MAP3K2: variants seen among roughly 807,000 people sequenced by gnomAD.
MAP3K2 encodes mitogen-activated protein kinase kinase kinase 2.
MAP3K2 carries 24 observed loss-of-function variants against 80.3 expected under a neutral mutation model. The observed-to-expected ratio is 0.30, with a 90% CI of 0.22 to 0.42. The LOEUF is 0.42. Ranked by LOEUF, MAP3K2 falls within the 10% of genes least tolerant of loss-of-function variation. The pLI is 1.00. For missense variants in MAP3K2, 608 were observed against 750.1 expected (o/e 0.81, Z 2.21); for synonymous variants, 244 against 253.7 (o/e 0.96, Z 0.36).
In MAP3K2 at chr2:127,321,960, C is replaced by T. The variant is rs1370755780; in HGVS notation, c.1045+86G>A. The T allele has an allele frequency of 4.1e-6, 5 of 1,213,158 alleles. No individual in the cohort carries two copies. The African/African-American group carries it at 7.6e-5, about 18-fold the overall frequency. The allele number at this position is 1,213,158 out of a possible 1,614,324, so 75.1% of individuals were successfully genotyped here. On this transcript the variant is annotated intron_variant, in intron 12 of 16. Coordinates refer to ENST00000682094, the MANE Select transcript of MAP3K2 (RefSeq NM_001371910.2). This position sits in a 1 kb window ranked among gnomAD's most constrained non-coding sequence, Gnocchi z 4.4. ...TGAGTAGTTCATCTGACCCCAAAAA[C>T]TCACTTAGTATTTATTCCTTTTAAT...
chr2:127,333,271 C>A (rs1204959019), intron 5 of MAP3K2, among the ~76,000 whole-genome samples: 1 of 140,368 alleles, frequency 7.1e-6, no homozygotes, highest in East Asian at 2.2e-4. Context: ...CACAACCAAC[C>A]CTCATAACAC....
rs533574005 is a variant in MAP3K2 at position 127,352,831 on chromosome 2, T to C, written c.-65-9637A>G. On this transcript the variant is annotated intron_variant, in intron 1 of 16. Transcript: ENST00000682094. ...CTCCTGCCTCAGCCTGCCGAGTGCC[T>C]GCGATTGCAGGTGCGCGCCGCCATG... 3.3e-5 allele frequency among the ~76,000 whole-genome samples: 5 copies of C among 152,218 alleles called. No homozygotes were observed. In the South Asian group the frequency reaches 1.0e-3, roughly 32 times the overall value.
intron 12 of MAP3K2, among the ~76,000 whole-genome samples, chr2:127,320,249 T>G (rs765182897): frequency 6.6e-6 from 1 of 151,958 alleles, no homozygotes. Flanking sequence ...ATGGAAAAGG[T>G]AGACAACATG....
At chr2:127,379,060 G>A (rs1300567303) in intron 1 of MAP3K2, among the ~76,000 whole-genome samples, 4 of 141,494 alleles carry the variant, frequency 2.8e-5, no homozygotes, top group South Asian at 2.3e-4. Context: ...GGGCTCCAGC[G>A]ACCCACCCAC....
chr2:127,384,900 C>T (rs1687316991), intron 1 of MAP3K2, among the ~76,000 whole-genome samples: 1 of 152,090 alleles, frequency 6.6e-6, no homozygotes, highest in Admixed American at 6.5e-5. Flanking sequence ...GCCTCCCAAA[C>T]TGCTGGGATT....
rs1404300346 is a variant in MAP3K2, at chr2:127,305,659, G to A, written c.*1920C>T. The A allele has an allele frequency of 6.6e-6, 1 of 152,098 alleles. No individual in the cohort carries two copies. The highest frequency in any genetic ancestry group is 1.5e-5 in the Non-Finnish European group (1 of 67,990). The allele number at this position is 152,098 out of a possible 1,614,324, so 9.4% of individuals were successfully genotyped here. On this transcript the variant is annotated 3_prime_UTR_variant, in exon 17 of 17. Transcript: ENST00000682094. ...GGATTCTGGGGCCTCCAGGAAGACT[G>A]TTGTTTTCTAGACCTTTAAAATAAA...
rs141058905 is a variant in MAP3K2 at position 127,365,786 on chromosome 2, C to T, written c.-66+21666G>A. On this transcript the variant is annotated intron_variant, in intron 1 of 16. Transcript: ENST00000682094. The stretch of plus-strand genomic sequence containing the variant: ...CCACTGCACAACTGCTTCAAAGAGG[C>T]TGAATAGTAGCTTTTCTCTGACCTG... Among the ~76,000 whole-genome samples the T allele has an allele frequency of 2.6e-5, 4 of 152,320 alleles. No individual in the cohort carries two copies. The East Asian group carries it at 7.7e-4, about 29-fold the overall frequency.
rs1453694020 is a variant in MAP3K2 at position 127,300,250 on chromosome 2, A to G, written c.*7329T>C. On this transcript the variant is annotated 3_prime_UTR_variant, in exon 17 of 17. Transcript: ENST00000682094. ...ATACACTCATCAACAATTATTGGTC[A>G]GAGTAGTAAATCAGTGTACAAATTA... 2.6e-5 allele frequency: 4 copies of G among 152,150 alleles called. No homozygotes were observed. 9.4% of individuals were successfully genotyped at this position (152,150 alleles called of 1,614,324 possible). A position where few individuals can be genotyped will look rare whatever the true frequency, so the allele number is the denominator to read the frequency against.
intron 2 of MAP3K2, among the ~76,000 whole-genome samples, chr2:127,340,424 C>T (rs762466907): frequency 5.3e-5 from 8 of 151,950 alleles, no homozygotes; most frequent in Non-Finnish European, 7.4e-5. Flanking sequence ...TTTGGGAGGC[C>T]GAGGGGGGCA....
At chr2:127,360,383 AAGC>A (rs1193601763) in intron 1 of MAP3K2, among the ~76,000 whole-genome samples, 2 of 152,074 alleles carry the variant, frequency 1.3e-5, no homozygotes, top group Non-Finnish European at 2.9e-5. Flanking sequence ...AAAAAAAAAA[AAGC>A]AGATCATTGG....
chr2:127,371,965 C>T (rs1687072658), intron 1 of MAP3K2, among the ~76,000 whole-genome samples: 1 of 152,166 alleles, frequency 6.6e-6, no homozygotes, highest in South Asian at 2.1e-4. Context: ...CAGTGGCTTT[C>T]CTCTGTCAGA....
At position 127,301,176 on chromosome 2, in the gene MAP3K2, G is replaced by C. The variant is rs1263848737; in HGVS notation, c.*6403C>G. On this transcript the variant is annotated 3_prime_UTR_variant, in exon 17 of 17. Coordinates refer to ENST00000682094, the MANE Select transcript of MAP3K2 (RefSeq NM_001371910.2). Reference sequence around the variant, plus strand: ...TGTTCCAAAATGTCTATGGCACAAAGCAGACATCAGTCCAGAACCTACTTT... The same window carrying C: ...TGTTCCAAAATGTCTATGGCACAAACCAGACATCAGTCCAGAACCTACTTT... 4 of 152,224 alleles carry C rather than the reference G, an allele frequency of 2.6e-5. No homozygotes were observed. Among genetic ancestry groups the C allele is most frequent in the Non-Finnish European group, 5.9e-5 (4 of 68,050 alleles). 9.4% of individuals were successfully genotyped at this position (152,224 alleles called of 1,614,324 possible). A position where few individuals can be genotyped will look rare whatever the true frequency, so the allele number is the denominator to read the frequency against.
chr2:127,381,363 G>A (rs1298298986), intron 1 of MAP3K2, among the ~76,000 whole-genome samples: 1 of 152,206 alleles, frequency 6.6e-6, no homozygotes, highest in Non-Finnish European at 1.5e-5. Context: ...CTTCTTAAGA[G>A]TACAGAAGAC....
intron 1 of MAP3K2, among the ~76,000 whole-genome samples, chr2:127,381,668 T>A (rs1687247493): frequency 6.6e-6 from 1 of 152,216 alleles, no homozygotes; most frequent in African/African-American, 2.4e-5. Context: ...TGCCACAGAT[T>A]ACTTGCTGAC....
At chr2:127,332,162 T>TA (rs1373614109) in intron 5 of MAP3K2, among the ~76,000 whole-genome samples, 1 of 152,218 alleles carries the variant, frequency 6.6e-6, no homozygotes, top group Non-Finnish European at 1.5e-5. Flanking sequence ...CTGATCTACT[T>TA]AAACACATTT....
At chr2:127,343,078 A>G in intron 2 of MAP3K2, 48 bp downstream of exon 2, 1 of 1,500,518 alleles carries the variant, frequency 6.7e-7, no homozygotes, top group Non-Finnish European at 9.1e-7. Context: ...TTTCACTTCC[A>G]TTCTATCCTT....
At chr2:127,358,243 A>T (rs1351178533) in intron 1 of MAP3K2, among the ~76,000 whole-genome samples, 2 of 152,242 alleles carry the variant, frequency 1.3e-5, no homozygotes, top group Non-Finnish European at 2.9e-5. Flanking sequence ...ATGGAAATGC[A>T]AACCAAAACT....
intron 1 of MAP3K2, among the ~76,000 whole-genome samples, chr2:127,352,073 T>C (rs1212591005): frequency 6.6e-6 from 1 of 151,978 alleles, no homozygotes; most frequent in Non-Finnish European, 1.5e-5. Flanking sequence ...GACACGGTTT[T>C]GCTATGTTGC....
At chr2:127,330,660 CCCT>C (rs574419383) in intron 5 of MAP3K2, among the ~76,000 whole-genome samples, 155 bp from the exon 6 acceptor site, 1 of 152,078 alleles carries the variant, frequency 6.6e-6, no homozygotes, top group Non-Finnish European at 1.5e-5. Flanking sequence ...TATTGTTTTG[CCCT>C]CCTCATTCTA....
Sources: gnomAD v4.1 joint callset for allele counts (sites outside exome capture counted in the v4.1 genomes callset) on GRCh38, gnomAD v4.1.1 for gene constraint, Gnocchi (gnomAD v3.1) non-coding constraint, MANE v1.5 for transcripts, NCBI Gene and HGNC (gene_info 2026-07-23, HGNC 2026-07-21) for gene names.